The following ZNF423 variants were observed in gnomAD, a reference collection of about 807,000 sequenced individuals.
The protein encoded by ZNF423 is Ebf-associated zinc finger protein.
A neutral mutation model predicts 95.8 loss-of-function variants in ZNF423; 12 were observed. The ratio of observed to expected loss-of-function variants is 0.13; its 90% confidence interval spans 0.08 to 0.20. The LOEUF (loss-of-function observed/expected upper bound fraction) is 0.20, where lower values mean the gene tolerates loss of function less well. Among genes scored for constraint, ZNF423 ranks in the 10% least tolerant of loss-of-function variants. The probability of loss-of-function intolerance (pLI) is 1.00; values close to 1 mark genes in which losing one functional copy is unlikely to be tolerated. For missense variants in ZNF423, 1,316 were observed against 1,737.1 expected, an observed-to-expected ratio of 0.76 and a Z score of 4.31; for synonymous variants, 749 against 711.9, an observed-to-expected ratio of 1.05 and a Z score of -0.83.
chr16:49,636,224 T>C lies in ZNF423; in HGVS notation c.2952A>G (p.Glu984=), dbSNP rs1288323161. The C allele has an allele frequency of 3.7e-6, 6 of 1,613,144 alleles. No homozygotes were observed. The highest frequency in any genetic ancestry group is 4.2e-6 in the Non-Finnish European group (5 of 1,179,978). ...ERFPSLLTLT[E]HKVTHSKSLD... Reference sequence around the variant, plus strand: ...GGCTCTTGCTGTGGGTCACCTTGTGTTCGGTGAGCGTCAGCAGCGAAGGGA... The same window carrying C: ...GGCTCTTGCTGTGGGTCACCTTGTGCTCGGTGAGCGTCAGCAGCGAAGGGA... The change falls in exon 4 of 8, where the codon GAA becomes GAG. Residue 984 remains glutamate, a synonymous_variant. Coordinates refer to ENST00000563137, the MANE Select transcript of ZNF423 (RefSeq NM_001379286.1). This position sits in a 1 kb window ranked among gnomAD's most constrained non-coding sequence, Gnocchi z 8.6.
chr16:49,735,255 A>G (rs948531976), intron 2 of ZNF423, among the ~76,000 whole-genome samples: 4 of 152,078 alleles, frequency 2.6e-5, no homozygotes, highest in Non-Finnish European at 2.9e-5. Flanking sequence ...CAGCAGGAAG[A>G]TTTCCGTTAA....
intron 5 of ZNF423, among the ~76,000 whole-genome samples, chr16:49,542,312 C>T (rs1270532000): frequency 1.3e-5 from 2 of 152,240 alleles, no homozygotes; most frequent in Non-Finnish European, 2.9e-5. Context: ...GGCCAATTTT[C>T]AAGCCCGGGC....
rs565213588 is a variant in ZNF423, at chr16:49,653,945, G to A, written c.302-15071C>T. The stretch of plus-strand genomic sequence containing the variant: ...TTTGAACTTCAGACTGGTAGCCTCT[G>A]CAGAGCCCTTTCTGTGGCCAGACAC... On this transcript the variant is annotated intron_variant, in intron 3 of 7. Coordinates refer to ENST00000563137, the MANE Select transcript of ZNF423 (RefSeq NM_001379286.1). 5.3e-5 allele frequency among the ~76,000 whole-genome samples: 8 copies of A among 152,310 alleles called. No homozygotes were observed. In the East Asian group the frequency reaches 1.4e-3, roughly 26 times the overall value.
In ZNF423 at chr16:49,635,089, T is replaced by C. The variant is rs1197632690; in HGVS notation, c.3516+571A>G. Among the ~76,000 whole-genome samples the C allele has an allele frequency of 1.3e-5, 2 of 152,222 alleles. No individual in the cohort carries two copies. Among genetic ancestry groups the C allele is most frequent in the African/African-American group, 4.8e-5 (2 of 41,456 alleles). ...CCAGCAACTGCACTAACTGAAATGA[T>C]GCCACTGGTGATAAGAGTACCAGCT... On this transcript the variant is annotated intron_variant, in intron 4 of 7. Coordinates refer to ENST00000563137, the MANE Select transcript of ZNF423 (RefSeq NM_001379286.1). The surrounding 1 kb of genome is among the most constrained non-coding windows in gnomAD (Gnocchi z 4.8).
chr16:49,618,680 TACAA>T (rs775253301), intron 5 of ZNF423, among the ~76,000 whole-genome samples: 1 of 152,164 alleles, frequency 6.6e-6, no homozygotes, highest in Non-Finnish European at 1.5e-5. Context: ...GGTAGATCCT[TACAA>T]CAGTGTGAGA....
At chr16:49,773,070 G>C (rs1411989554) in intron 2 of ZNF423, among the ~76,000 whole-genome samples, 1 of 152,184 alleles carries the variant, frequency 6.6e-6, no homozygotes, top group Non-Finnish European at 1.5e-5. Context: ...TATAATCCCA[G>C]CACTTTGGGA....
At chr16:49,842,136 G>A (rs1277083443) in intron 1 of ZNF423, among the ~76,000 whole-genome samples, 1 of 150,496 alleles carries the variant, frequency 6.6e-6, no homozygotes, top group Non-Finnish European at 1.5e-5. Context: ...TACTCGGGAG[G>A]CTGAGGCAGG....
intron 5 of ZNF423, among the ~76,000 whole-genome samples, chr16:49,575,252 T>TA (rs963822629): frequency 1.3e-5 from 2 of 152,066 alleles, no homozygotes; most frequent in Middle Eastern, 3.4e-3. Context: ...TTTTTAGATT[T>TA]AAAAAAAACT....
At chr16:49,734,198 G>A (rs375865765) in intron 2 of ZNF423, among the ~76,000 whole-genome samples, 22 of 152,168 alleles carry the variant, frequency 1.4e-4, no homozygotes, top group African/African-American at 5.1e-4. Flanking sequence ...TAAGTCCTGG[G>A]GATGGAATGA....
intron 5 of ZNF423, among the ~76,000 whole-genome samples, chr16:49,614,379 AAC>A (rs753250153): frequency 4.6e-5 from 7 of 152,246 alleles, no homozygotes; most frequent in Non-Finnish European, 1.0e-4. Flanking sequence ...CACTGTGGAA[AAC>A]AGTCTGGCAA....
intron 3 of ZNF423, among the ~76,000 whole-genome samples, chr16:49,694,957 G>A (rs60079691): frequency 0.013 from 1,981 of 152,332 alleles, 43 homozygotes; most frequent in African/African-American, 0.045. Flanking sequence ...TAGTGAAGAC[G>A]TGAGAGTGTG....
At chr16:49,668,168 C>A (rs1330312626) in intron 3 of ZNF423, among the ~76,000 whole-genome samples, 1 of 152,164 alleles carries the variant, frequency 6.6e-6, no homozygotes, top group Non-Finnish European at 1.5e-5. Context: ...CTTTTCCTTG[C>A]AGGAGTTCAC....
chr16:49,613,748 C>G (rs371225031), intron 5 of ZNF423, among the ~76,000 whole-genome samples: 34 of 152,234 alleles, frequency 2.2e-4, no homozygotes, highest in African/African-American at 8.2e-4. Flanking sequence ...ATAGCCTTTT[C>G]ATCAAATGAT....
intron 3 of ZNF423, among the ~76,000 whole-genome samples, chr16:49,647,695 C>G (rs1973231432): frequency 6.6e-6 from 1 of 152,198 alleles, no homozygotes. Flanking sequence ...GGATTTTTCC[C>G]TAAGAGCATC....
At chr16:49,512,432 G>A (rs1187192328) in intron 7 of ZNF423, among the ~76,000 whole-genome samples, 1 of 152,206 alleles carries the variant, frequency 6.6e-6, no homozygotes, top group Non-Finnish European at 1.5e-5. Flanking sequence ...CAATAACCCT[G>A]GTCTCTTGAA....
chr16:49,562,231 T>G (rs1374621045), intron 5 of ZNF423, among the ~76,000 whole-genome samples: 1 of 152,236 alleles, frequency 6.6e-6, no homozygotes, highest in African/African-American at 2.4e-5. Flanking sequence ...AAGAATTAGC[T>G]GGTTCTGAGC....
At chr16:49,535,297 T>C (rs1057221914) in intron 5 of ZNF423, among the ~76,000 whole-genome samples, 4 of 152,156 alleles carry the variant, frequency 2.6e-5, no homozygotes, top group African/African-American at 7.2e-5. Context: ...AAGGAGAACA[T>C]CACCATCACA....
At chr16:49,558,618 C>T (rs1484894523) in intron 5 of ZNF423, among the ~76,000 whole-genome samples, 4 of 152,086 alleles carry the variant, frequency 2.6e-5, no homozygotes, top group Non-Finnish European at 5.9e-5. Flanking sequence ...AAGCTAGCAT[C>T]AGCCCAATTC....
chr16:49,636,843 T>G lies in ZNF423; in HGVS notation c.2333A>C (p.Lys778Thr). The G allele has an allele frequency of 6.2e-7, 1 of 1,614,022 alleles. No homozygotes were observed. The highest frequency in any genetic ancestry group is 8.5e-7 in the Non-Finnish European group (1 of 1,180,010). Residue 778 changes from lysine to threonine, a missense_variant, in exon 4 of 8, where the codon AAA (lysine) becomes ACA (threonine). Around this residue, in one of 6 missense-constraint regions of ZNF423, gnomAD observed 620 missense variants for 775.6 expected, o/e 0.80. Transcript: ENST00000563137. The surrounding 1 kb of genome is among the most constrained non-coding windows in gnomAD (Gnocchi z 8.6). ...RKEADLQVHV[K>T]HSHLGNPAKA... ...GGCCGGGTTGCCCAGGTGGCTGTGTTTGACGTGCACCTGCAGGTCAGCCTC... is the reference window on the plus strand; with the variant it reads ...GGCCGGGTTGCCCAGGTGGCTGTGTGTGACGTGCACCTGCAGGTCAGCCTC...
Sources: allele counts gnomAD v4.1 joint callset (sites outside exome capture counted in the v4.1 genomes callset), GRCh38; gene constraint gnomAD v4.1.1; regional missense constraint gnomAD v4.1.1; non-coding constraint Gnocchi (gnomAD v3.1); transcripts MANE v1.5; gene names NCBI Gene and HGNC (gene_info 2026-07-23, HGNC 2026-07-21).